Variants in CASK observed in about 807,000 individuals in gnomAD.
CASK encodes peripheral plasma membrane protein CASK.
In CASK, 4 loss-of-function variants were observed where a neutral mutation model predicts 82.9. That is an observed-to-expected ratio of 0.05 (90% CI 0.02 to 0.11). The LOEUF (loss-of-function observed/expected upper bound fraction) is 0.11. CASK is among the 10% of genes least tolerant of loss of function. The pLI, the probability that CASK is intolerant of heterozygous loss-of-function variation, is 1.00. For synonymous variants in CASK, 259 were observed against 253.5 expected (o/e 1.02, Z -0.20); for missense variants, 358 against 720.9 (o/e 0.50, Z 5.76).
At chrX:41,828,571 A>G (rs950934820) in intron 2 of CASK, among the ~76,000 whole-genome samples, 16 of 112,183 alleles carry the variant, frequency 1.4e-4, no homozygotes, top group Admixed American at 9.5e-5. Context: ...TAATTTGGCA[A>G]TCATTCCTCA....
rs1480654122 is a variant in CASK, at chrX:41,559,858, G to T, written c.1669-11C>A. On this transcript the variant is annotated splice_polypyrimidine_tract_variant and intron_variant, in intron 17 of 26. Coordinates refer to ENST00000378163, the MANE Select transcript of CASK (RefSeq NM_001367721.1). ...CCCCCGCATTTCCCTCTGGAGGGGG[G>T]GTGGTGGGAAAGAAAGAAAAGTTTT... 1 of 1,197,602 alleles carries T rather than the reference G, an allele frequency of 8.4e-7. No homozygotes were observed. The highest frequency in any genetic ancestry group is 3.0e-5 in the East Asian group (1 of 33,796).
At chrX:41,571,788 T>C (rs950531793) in intron 15 of CASK, among the ~76,000 whole-genome samples, 1 of 112,000 alleles carries the variant, frequency 8.9e-6, no homozygotes, top group Non-Finnish European at 1.9e-5. Context: ...AGGTGTTTAA[T>C]GGTACATATT....
At position 41,643,985 on chromosome X, in the gene CASK, C is replaced by T. The variant is rs759623665; in HGVS notation, c.832-7324G>A. ...TTTATTGAGAGTTTTTAGCATGAAG[C>T]GCTGTTGAATTTTGTCAAAGGCCTT... On this transcript the variant is annotated intron_variant, in intron 8 of 26. Coordinates refer to ENST00000378163, the MANE Select transcript of CASK (RefSeq NM_001367721.1). 9.8e-4 allele frequency among the ~76,000 whole-genome samples: 109 copies of T among 111,538 alleles called. 1 individual carries two copies. The highest frequency in any genetic ancestry group is 4.6e-3 in the Middle Eastern group (1 of 218).
intron 2 of CASK, among the ~76,000 whole-genome samples, chrX:41,792,748 T>G (rs1403819158): frequency 8.9e-6 from 1 of 112,290 alleles, no homozygotes; most frequent in African/African-American, 3.2e-5. Flanking sequence ...AAAGTATTAT[T>G]TCAACATATA....
chrX:41,912,311 T>G (rs1395570152), intron 1 of CASK, among the ~76,000 whole-genome samples: 3 of 95,921 alleles, frequency 3.1e-5, no homozygotes, highest in Admixed American at 1.1e-4. Flanking sequence ...TTTTTTTTTT[T>G]TTTTTTTTTT....
chrX:41,545,591 A>G (rs2065011126), intron 21 of CASK, among the ~76,000 whole-genome samples: 1 of 111,795 alleles, frequency 8.9e-6, no homozygotes, highest in Non-Finnish European at 1.9e-5. Flanking sequence ...TATCTGGTAG[A>G]GCAAGACCTC....
chrX:41,744,356 T>C (rs1436715636), intron 4 of CASK, among the ~76,000 whole-genome samples: 6 of 108,197 alleles, frequency 5.5e-5, no homozygotes, highest in African/African-American at 2.0e-4. Context: ...TCTTTTTTTT[T>C]TTTTTTTGAG....
At chrX:41,825,073 A>C (rs1048432924) in intron 2 of CASK, among the ~76,000 whole-genome samples, 2 of 111,952 alleles carry the variant, frequency 1.8e-5, no homozygotes, top group Non-Finnish European at 3.8e-5. Flanking sequence ...TAACTGCAAG[A>C]GTATTTTTGG....
chrX:41,831,274 T>A (rs1375097592), intron 2 of CASK, among the ~76,000 whole-genome samples: 4 of 111,593 alleles, frequency 3.6e-5, no homozygotes, highest in Non-Finnish European at 7.5e-5. Flanking sequence ...AAATACAGCT[T>A]TTGCAGTCCA....
At chrX:41,646,120 C>T (rs574332033) in intron 8 of CASK, among the ~76,000 whole-genome samples, 11 of 111,533 alleles carry the variant, frequency 9.9e-5, no homozygotes, top group African/African-American at 2.9e-4. Flanking sequence ...CCGGAAACAT[C>T]AGCTACAGAT....
intron 5 of CASK, among the ~76,000 whole-genome samples, chrX:41,675,570 C>G (rs940092583): frequency 2.7e-5 from 3 of 112,433 alleles, no homozygotes; most frequent in Non-Finnish European, 3.8e-5. Context: ...AGGTAACTCC[C>G]TAAATGTTAA....
intron 3 of CASK, among the ~76,000 whole-genome samples, chrX:41,769,616 G>C (rs2069181650): frequency 1.8e-5 from 2 of 110,667 alleles, no homozygotes; most frequent in South Asian, 3.9e-4. Context: ...GTCTTAAACA[G>C]CTAGGTGCCT....
rs1271015604 is a variant in CASK at position 41,873,866 on chromosome X, T to G, written c.60-20639A>C. ...GTGCAGTGGCACGATCTCGGCTCAC[T>G]GCAACCTCCGCCTCCTGGGTTCAAG... is the stretch of plus-strand genomic sequence containing the variant. On this transcript the variant is annotated intron_variant, in intron 1 of 26. Transcript: ENST00000378163. Among the ~76,000 whole-genome samples the G allele has an allele frequency of 2.9e-5, 3 of 101,755 alleles. No individual in the cohort carries two copies. In the Admixed American group the frequency reaches 3.2e-4, roughly 11 times the overall value. 88.4% of individuals were successfully genotyped at this position (101,755 alleles called of 115,157 possible).
At chrX:41,894,309 C>A (rs1401742864) in intron 1 of CASK, among the ~76,000 whole-genome samples, 1 of 110,783 alleles carries the variant, frequency 9.0e-6, no homozygotes, top group Non-Finnish European at 1.9e-5. Context: ...AGAAAAAAAT[C>A]AGCAAACTTG....
At position 41,854,224 on chromosome X, in the gene CASK, G is replaced by GCGCACACA. The variant is rs1367817089; in HGVS notation, c.60-998_60-997insTGTGTGCG. On this transcript the variant is annotated intron_variant, in intron 1 of 26. Transcript: ENST00000378163. ...AACATGCGCGCGCGCGCGGGCGCGC[G>GCGCACACA]CACACACACACACACACACACACAC... 9.2e-3 allele frequency among the ~76,000 whole-genome samples: 751 copies of GCGCACACA among 81,622 alleles called. 12 individuals carry two copies. The highest frequency in any genetic ancestry group is 0.015 in the East Asian group (26 of 1,713). 70.9% of individuals were successfully genotyped at this position (81,622 alleles called of 115,157 possible).
At chrX:41,554,024 T>C in intron 20 of CASK, 109 bp from the exon 21 acceptor site, 1 of 574,607 alleles carries the variant, frequency 1.7e-6, no homozygotes, top group East Asian at 3.5e-5. Flanking sequence ...GGACATCAGA[T>C]GGTGAAAGCA....
At chrX:41,878,716 T>C (rs1455244079) in intron 1 of CASK, among the ~76,000 whole-genome samples, 6 of 110,666 alleles carry the variant, frequency 5.4e-5, no homozygotes, top group Non-Finnish European at 1.1e-4. Flanking sequence ...AGAATGTTTC[T>C]AAGAATGATA....
intron 5 of CASK, among the ~76,000 whole-genome samples, chrX:41,715,640 G>A (rs1406152726): frequency 3.8e-5 from 4 of 106,257 alleles, no homozygotes; most frequent in African/African-American, 1.0e-4. Context: ...AAAAAAAAAA[G>A]ATCCTGGTTC....
chrX:41,872,683 A>G (rs1216174612), intron 1 of CASK, among the ~76,000 whole-genome samples: 1 of 111,615 alleles, frequency 9.0e-6, no homozygotes, highest in Non-Finnish European at 1.9e-5. Flanking sequence ...TAATGGACCA[A>G]TATTGATACA....
Sources: gnomAD v4.1 joint callset for allele counts (sites outside exome capture counted in the v4.1 genomes callset) on GRCh38, gnomAD v4.1.1 for gene constraint, MANE v1.5 for transcripts, NCBI Gene and HGNC (gene_info 2026-07-23, HGNC 2026-07-21) for gene names.